Variants in KAZN observed in about 807,000 individuals in gnomAD.
KAZN encodes the protein kazrin.
KAZN carries 40 observed loss-of-function variants against 87.4 expected under a neutral mutation model. The ratio of observed to expected loss-of-function variants is 0.46; its 90% CI spans 0.36 to 0.60. The LOEUF is 0.60. KAZN is among the 20% of genes least tolerant of loss of function. The pLI, the probability that KAZN is intolerant of heterozygous loss-of-function variation, is 0.00. For missense variants in KAZN, 898 were observed against 1,073.9 expected (o/e 0.84, Z 2.29); for synonymous variants, 466 against 458.3 (o/e 1.02, Z -0.22).
At chr1:14,033,393 C>G (rs4233562) in intron 1 of KAZN, among the ~76,000 whole-genome samples, 141,433 of 152,242 alleles carry the variant, frequency 0.93, 65,771 homozygotes, top group Admixed American at 0.96. Flanking sequence ...ACAGTCATGG[C>G]ATGGGGGCTG....
rs114706196 is a variant in KAZN at position 14,777,593 on chromosome 1, C to A, written c.226+178370C>A. 5.5e-3 allele frequency among the ~76,000 whole-genome samples: 844 copies of A among 152,256 alleles called. 8 individuals are homozygous for A. The highest frequency in any genetic ancestry group is 0.019 in the African/African-American group (795 of 41,540). ...TCCTCCTTAGGACCTTCTTTCTGTC[C>A]CCTGAACTAGCCAAGCATGTTCAAG... is the stretch of plus-strand genomic sequence containing the variant. On this transcript the variant is annotated intron_variant, in intron 1 of 14. Coordinates refer to ENST00000376030, the MANE Select transcript of KAZN (RefSeq NM_201628.3).
chr1:14,955,688 G>C (rs111943076), intron 1 of KAZN, among the ~76,000 whole-genome samples: 7 of 152,214 alleles, frequency 4.6e-5, no homozygotes, highest in Non-Finnish European at 1.0e-4. Context: ...GAAGGTGCAC[G>C]CAGGAAAAAA....
intron 2 of KAZN, among the ~76,000 whole-genome samples, chr1:14,235,516 G>A (rs1012820081): frequency 2.6e-5 from 4 of 152,172 alleles, no homozygotes; most frequent in African/African-American, 9.6e-5. Flanking sequence ...CAAAAAAGAA[G>A]CTTCTAAAAT....
rs536418061 is a variant in KAZN, at chr1:14,193,926, A to G, written c.249+13334A>G. Among the ~76,000 whole-genome samples the G allele has an allele frequency of 3.3e-5, 5 of 152,204 alleles. No individual in the cohort carries two copies. The East Asian group carries it at 9.7e-4, about 29-fold the overall frequency. The stretch of plus-strand genomic sequence containing the variant: ...GCTGTAGGTGGTATCGCTGTTGTTT[A>G]TGCTGCTGATGCCAACATCACGCAT... On this transcript the variant is annotated intron_variant, in intron 2 of 16. Transcript: ENST00000636203.
intron 8 of KAZN, among the ~76,000 whole-genome samples, chr1:15,071,654 A>G (rs1639512527): frequency 6.6e-6 from 1 of 152,242 alleles, no homozygotes; most frequent in African/African-American, 2.4e-5. Flanking sequence ...CTATAGGGCA[A>G]CAAACTGAAT....
chr1:14,367,014 G>A (rs1019054034), intron 2 of KAZN, among the ~76,000 whole-genome samples: 1 of 152,136 alleles, frequency 6.6e-6, no homozygotes, highest in Non-Finnish European at 1.5e-5. Context: ...GGCAGATCAC[G>A]AGGTCAGGAG....
rs113415339 is a variant in KAZN at position 14,248,927 on chromosome 1, G to C, written c.249+68335G>C. Among the ~76,000 whole-genome samples, 512 of 152,310 alleles carry C rather than the reference G, an allele frequency of 3.4e-3. 2 individuals are homozygous for C. The highest frequency in any genetic ancestry group is 0.012 in the African/African-American group (479 of 41,578). On this transcript the variant is annotated intron_variant, in intron 2 of 16. Coordinates refer to the KAZN transcript ENST00000636203. ...AGCTATCCCTAGTCCGCCATACTGG[G>C]AGGAAGCCCAAGCCAGTCACATGGA...
chr1:14,465,111 T>C (rs1478859831), intron 2 of KAZN, among the ~76,000 whole-genome samples: 3 of 152,030 alleles, frequency 2.0e-5, no homozygotes, highest in Admixed American at 6.6e-5. Flanking sequence ...CCAAGACAGC[T>C]TCACCCAGCC....
In KAZN at chr1:14,630,320, G is replaced by A. The variant is rs543373557; in HGVS notation, c.226+31097G>A. On this transcript the variant is annotated intron_variant, in intron 1 of 14. Coordinates refer to ENST00000376030, the MANE Select transcript of KAZN (RefSeq NM_201628.3). ...CTTCTGTGAAAGTGTGGATGGTGGG[G>A]GGAATTTAACTCTTGAGCTGTTGTT... Among the ~76,000 whole-genome samples, 131 of 152,242 alleles carry A rather than the reference G, an allele frequency of 8.6e-4. 1 individual carries two copies. Among genetic ancestry groups the A allele is most frequent in the Non-Finnish European group, 1.5e-3 (105 of 68,020 alleles).
intron 2 of KAZN, among the ~76,000 whole-genome samples, chr1:14,284,569 AGT>A (rs1304323476): frequency 1.3e-5 from 2 of 152,156 alleles, no homozygotes; most frequent in African/African-American, 2.4e-5. Context: ...CCAGAAAATG[AGT>A]GTTGTCTTTA....
At chr1:14,135,013 A>ACACACACACACG (rs773956027) in intron 1 of KAZN, among the ~76,000 whole-genome samples, 28 of 77,156 alleles carry the variant, frequency 3.6e-4, no homozygotes, top group South Asian at 2.7e-3. Context: ...ATGTGCACAC[A>ACACACACACACG]TGCACACATA....
intron 1 of KAZN, among the ~76,000 whole-genome samples, chr1:14,129,177 G>T (rs1644937768): frequency 6.6e-6 from 1 of 152,166 alleles, no homozygotes. Flanking sequence ...ATTTATTGAA[G>T]TTGCTTCACA....
At chr1:14,344,988 G>A (rs1164184256) in intron 2 of KAZN, among the ~76,000 whole-genome samples, 1 of 150,490 alleles carries the variant, frequency 6.6e-6, no homozygotes, top group Non-Finnish European at 1.5e-5. Context: ...GCGTGATCTC[G>A]GCTCACTGCA....
chr1:14,277,890 G>C (rs1258797934), intron 2 of KAZN, among the ~76,000 whole-genome samples: 1 of 151,910 alleles, frequency 6.6e-6, no homozygotes, highest in Non-Finnish European at 1.5e-5. Flanking sequence ...GAGATGATGG[G>C]GTATTTCTAT....
intron 1 of KAZN, among the ~76,000 whole-genome samples, chr1:14,177,389 C>G (rs1406152723): frequency 6.6e-6 from 1 of 152,118 alleles, no homozygotes; most frequent in East Asian, 1.9e-4. Flanking sequence ...GAAGTTTCTA[C>G]CTAATGTCAT....
intron 1 of KAZN, among the ~76,000 whole-genome samples, chr1:14,092,505 G>A (rs1570719621): frequency 6.6e-6 from 1 of 150,406 alleles, no homozygotes; most frequent in East Asian, 1.9e-4. Context: ...TTTCACATGT[G>A]TACCACTGCA....
At chr1:15,022,416 A>G (rs1469663835) in intron 2 of KAZN, among the ~76,000 whole-genome samples, 1 of 152,190 alleles carries the variant, frequency 6.6e-6, no homozygotes, top group Non-Finnish European at 1.5e-5. Context: ...GCATTATTCA[A>G]TACTATTATC....
chr1:14,802,670 G>A lies in KAZN; in HGVS notation c.227-158014G>A, dbSNP rs565215249. Among the ~76,000 whole-genome samples, 9 of 152,316 alleles carry A rather than the reference G, an allele frequency of 5.9e-5. No individual in the cohort carries two copies. The South Asian group carries it at 6.2e-4, about 11-fold the overall frequency. ...GATCAGGGGGTTGCTTCCCGGCACC[G>A]CTGTTCACAGACACTGTTCCAACAC... On this transcript the variant is annotated intron_variant, in intron 1 of 14. Coordinates refer to ENST00000376030, the MANE Select transcript of KAZN (RefSeq NM_201628.3).
In KAZN at chr1:14,300,136, G is replaced by A. The variant is rs567920268; in HGVS notation, c.249+119544G>A. 7.9e-5 allele frequency among the ~76,000 whole-genome samples: 12 copies of A among 152,238 alleles called. No individual in the cohort carries two copies. In the East Asian group the frequency reaches 2.3e-3, roughly 29 times the overall value. ...TCCTGGAAATGTAGCACATATGTTT[G>A]GAGTGTGTTGAGGAAGGAGGAGAGC... On this transcript the variant is annotated intron_variant, in intron 2 of 16. Transcript: ENST00000636203.
Sources: gnomAD v4.1 joint callset for allele counts (sites outside exome capture counted in the v4.1 genomes callset) on GRCh38, gnomAD v4.1.1 for gene constraint, MANE v1.5 for transcripts, NCBI Gene and HGNC (gene_info 2026-07-23, HGNC 2026-07-21) for gene names.